APOBEC1: variants seen among roughly 807,000 people sequenced by gnomAD.
APOBEC1 encodes C->U-editing enzyme APOBEC-1.
Under a neutral mutation model 26.3 loss-of-function variants are expected in APOBEC1, and 22 were observed. That is an observed-to-expected ratio of 0.84 (90% CI 0.60 to 1.19). The LOEUF (loss-of-function observed/expected upper bound fraction) is 1.19, where lower values mean the gene tolerates loss of function less well. Among genes scored for constraint, APOBEC1 ranks in the 50% most tolerant of loss-of-function variants. The pLI, the probability that APOBEC1 is intolerant of heterozygous loss-of-function variation, is 0.00. For missense variants in APOBEC1, 253 were observed against 289.0 expected, an observed-to-expected ratio of 0.88 and a Z score of 0.90; for synonymous variants, 77 against 95.3, an observed-to-expected ratio of 0.81 and a Z score of 1.12.
intron 1 of APOBEC1, among the ~76,000 whole-genome samples, chr12:7,660,410 A>AAGAAAGAAGGAAAGAAAGAAAG (rs111744018): frequency 4.7e-5 from 4 of 84,298 alleles, no homozygotes; most frequent in African/African-American, 1.4e-4. Flanking sequence ...GAAAGAAAGA[A>AAGAAAGAAGGAAAGAAAGAAAG]AGAGAGGGTA....
At chr12:7,659,198 G>T (rs1277522872) in intron 1 of APOBEC1, among the ~76,000 whole-genome samples, 3 of 143,888 alleles carry the variant, frequency 2.1e-5, no homozygotes, top group Admixed American at 1.4e-4. Context: ...GGAAGCTGAG[G>T]CAGGAGAATT....
chr12:7,664,465 C>A (rs1017210446), intron 1 of APOBEC1, among the ~76,000 whole-genome samples: 1 of 152,192 alleles, frequency 6.6e-6, no homozygotes, highest in African/African-American at 2.4e-5. Context: ...TTCAAATTTG[C>A]TTTCTGGTCT....
At chr12:7,663,681 G>A (rs1863852211) in intron 1 of APOBEC1, among the ~76,000 whole-genome samples, 1 of 152,102 alleles carries the variant, frequency 6.6e-6, no homozygotes, top group Admixed American at 6.6e-5. Context: ...CATATGCTGT[G>A]TCTACACTGA....
Position 7,654,593 on chromosome 12 carries a change from T to C in APOBEC1, c.44+12A>G. Reference sequence around the variant, plus strand: ...TCAAATTAAATGGGCACTGTGATAGTGTTATTCTTACCTCAGAGTGGGGTC... The same window carrying C: ...TCAAATTAAATGGGCACTGTGATAGCGTTATTCTTACCTCAGAGTGGGGTC... On this transcript the variant is annotated intron_variant, in intron 2 of 4. Coordinates refer to ENST00000229304, the MANE Select transcript of APOBEC1 (RefSeq NM_001644.5). 6.2e-7 allele frequency: 1 copy of C among 1,613,364 alleles called. No homozygotes were observed. Among genetic ancestry groups the C allele is most frequent in the Non-Finnish European group, 8.5e-7 (1 of 1,179,318 alleles).
chr12:7,658,178 C>T (rs1278579826), intron 1 of APOBEC1, among the ~76,000 whole-genome samples: 1 of 152,154 alleles, frequency 6.6e-6, no homozygotes, highest in Non-Finnish European at 1.5e-5. Context: ...ATTCTCGTGC[C>T]TGAGCCTCCC....
chr12:7,669,072 T>A (rs1480956044), upstream of APOBEC1, among the ~76,000 whole-genome samples: 1 of 152,174 alleles, frequency 6.6e-6, no homozygotes, highest in African/African-American at 2.4e-5. Context: ...ATCCTCCTAC[T>A]CCTAGTCCCA....
At chr12:7,657,731 C>T (rs1374858768) in intron 1 of APOBEC1, among the ~76,000 whole-genome samples, 1 of 151,984 alleles carries the variant, frequency 6.6e-6, no homozygotes, top group Non-Finnish European at 1.5e-5. Context: ...AGAAGTTTAA[C>T]CAGCTGTAGT....
At chr12:7,664,636 C>T (rs1275610266) in intron 1 of APOBEC1, among the ~76,000 whole-genome samples, 2 of 152,176 alleles carry the variant, frequency 1.3e-5, no homozygotes, top group Admixed American at 6.6e-5. Flanking sequence ...CCCTTCTGGC[C>T]TGGCATGGTG....
Position 7,652,830 on chromosome 12 carries a change from C to CT in APOBEC1, c.49dup (p.Arg17LysfsTer8). On this transcript the variant is annotated frameshift_variant, in exon 3 of 5. Coordinates refer to ENST00000229304, the MANE Select transcript of APOBEC1 (RefSeq NM_001644.5). LOFTEE classifies it high-confidence loss of function. ...GACGTCAAACTCCCAGGGTTCGATT[C>CT]TTCTCCTGAAATACAAAAAGCAGCC... The CT allele has an allele frequency of 6.3e-7, 1 of 1,575,740 alleles. No homozygotes were observed. Among genetic ancestry groups the CT allele is most frequent in the South Asian group, 1.2e-5 (1 of 86,158 alleles).
intron 1 of APOBEC1, among the ~76,000 whole-genome samples, chr12:7,661,910 G>C (rs1863825242): frequency 6.6e-6 from 1 of 152,132 alleles, no homozygotes; most frequent in African/African-American, 2.4e-5. Context: ...CAATGCACAG[G>C]GCTTCAGGGA....
intron 1 of APOBEC1, among the ~76,000 whole-genome samples, chr12:7,658,696 G>A (rs983863626): frequency 2.6e-5 from 4 of 152,062 alleles, no homozygotes; most frequent in African/African-American, 4.8e-5. Context: ...TAGGCCAGGC[G>A]CGGTGGCTGA....
At chr12:7,662,089 A>G (rs1863827795) in intron 1 of APOBEC1, among the ~76,000 whole-genome samples, 1 of 37,740 alleles carries the variant, frequency 2.6e-5, no homozygotes, top group African/African-American at 4.6e-5. Context: ...TAAAAACAAA[A>G]CAAAACAAAA....
chr12:7,654,638 G>T lies in APOBEC1; in HGVS notation c.17-6C>A, dbSNP rs1863689092. 6.2e-7 allele frequency: 1 copy of T among 1,613,698 alleles called. No homozygotes were observed. On this transcript the variant is annotated splice_polypyrimidine_tract_variant and splice_region_variant and intron_variant, in intron 1 of 4. Transcript: ENST00000229304. ...GGGGTCACCGGTTGAAGGACCTGTTGACCAAGATATGATTATGTCAAACAA... is the reference window on the plus strand; with the variant it reads ...GGGGTCACCGGTTGAAGGACCTGTTTACCAAGATATGATTATGTCAAACAA...
intron 1 of APOBEC1, among the ~76,000 whole-genome samples, chr12:7,660,788 A>G (rs1299477848): frequency 6.6e-6 from 1 of 152,002 alleles, no homozygotes; most frequent in African/African-American, 2.4e-5. Context: ...TTGCAGCAAC[A>G]TAGATGCAGC....
At chr12:7,660,242 G>T (rs1219793360) in intron 1 of APOBEC1, among the ~76,000 whole-genome samples, 2 of 150,838 alleles carry the variant, frequency 1.3e-5, no homozygotes, top group Non-Finnish European at 2.9e-5. Flanking sequence ...GGCAGAGGTT[G>T]CAGTGAGCAG....
At chr12:7,650,764 C>T (rs1344227557) in intron 4 of APOBEC1, among the ~76,000 whole-genome samples, 5 of 152,310 alleles carry the variant, frequency 3.3e-5, no homozygotes, top group Admixed American at 6.5e-5. Context: ...TGTTATACCA[C>T]GCAGGCTGGA....
chr12:7,660,454 C>T (rs1424162140), intron 1 of APOBEC1, among the ~76,000 whole-genome samples: 1 of 151,098 alleles, frequency 6.6e-6, no homozygotes, highest in Non-Finnish European at 1.5e-5. Context: ...CACCTGTAAT[C>T]CCAGCACTTT....
At position 7,653,495 on chromosome 12, in the gene APOBEC1, T is replaced by C. The variant is rs1029609748; in HGVS notation, c.45-660A>G. On this transcript the variant is annotated intron_variant, in intron 2 of 4. Transcript: ENST00000229304. ...CCTTCATTATATTCTAACCCTTTTTTTTTTTTTTTTTTTTTAAGACATGGT... is the reference window on the plus strand; with the variant it reads ...CCTTCATTATATTCTAACCCTTTTTCTTTTTTTTTTTTTTTAAGACATGGT... 1.2e-3 allele frequency among the ~76,000 whole-genome samples: 174 copies of C among 149,102 alleles called. 1 individual carries two copies. Among genetic ancestry groups the C allele is most frequent in the African/African-American group, 4.2e-3 (171 of 40,656 alleles).
chr12:7,658,229 A>G (rs1863744201), intron 1 of APOBEC1, among the ~76,000 whole-genome samples: 1 of 152,052 alleles, frequency 6.6e-6, no homozygotes, highest in Admixed American at 6.6e-5. Flanking sequence ...ACACCCGGCT[A>G]ACTTTTGTAT....
Sources: allele counts gnomAD v4.1 joint callset (sites outside exome capture counted in the v4.1 genomes callset), GRCh38; gene constraint gnomAD v4.1.1; transcripts MANE v1.5; gene names NCBI Gene and HGNC (gene_info 2026-07-23, HGNC 2026-07-21).